HCLS1: variants seen among roughly 807,000 people sequenced by gnomAD.
HCLS1 encodes hematopoietic cell-specific Lyn substrate 1.
A neutral mutation model predicts 68.6 loss-of-function variants in HCLS1; 44 were observed. The observed-to-expected ratio is 0.64, with a 90% CI of 0.50 to 0.82. The LOEUF is 0.82. Among genes scored for constraint, HCLS1 ranks in the 40% least tolerant of loss-of-function variants. The pLI, the probability that HCLS1 is intolerant of heterozygous loss-of-function variation, is 0.00. For synonymous variants in HCLS1, 217 were observed against 225.8 expected (o/e 0.96, Z 0.35); for missense variants, 602 against 612.1 (o/e 0.98, Z 0.17).
chr3:121,639,029 A>G (rs201729356), intron 6 of HCLS1, among the ~76,000 whole-genome samples: 711 of 50,836 alleles, frequency 0.014, 3 homozygotes, highest in African/African-American at 0.034. Context: ...ACACACGCAC[A>G]CACACACACA....
chr3:121,656,154 C>A (rs1349648217), intron 3 of HCLS1: 2 of 152,070 alleles, frequency 1.3e-5, no homozygotes, highest in African/African-American at 2.4e-5. Flanking sequence ...CGGCCGAAAC[C>A]ATTTATTTCT....
chr3:121,659,198 G>C (rs1373785414), intron 1 of HCLS1, among the ~76,000 whole-genome samples: 1 of 152,176 alleles, frequency 6.6e-6, no homozygotes, highest in Admixed American at 6.5e-5. Flanking sequence ...TAGCTTGGAA[G>C]GGTGCCAAAC....
intron 1 of HCLS1, among the ~76,000 whole-genome samples, chr3:121,659,527 T>C (rs1183026730): frequency 2.0e-5 from 3 of 152,168 alleles, no homozygotes; most frequent in Non-Finnish European, 4.4e-5. Flanking sequence ...TATTTCCACT[T>C]GAAAGCTCCA....
Position 121,642,886 on chromosome 3 carries a change from CGG to C in HCLS1, c.454+39_454+40del, listed in dbSNP as rs773076666. On this transcript the variant is annotated intron_variant, in intron 6 of 13. Coordinates refer to ENST00000314583, the MANE Select transcript of HCLS1 (RefSeq NM_005335.6). ...ATAAAGTCTTAGCAGAAGAGCCTGC[CGG>C]TCAGATTGCTGAGGCTGAGTGAAGT... 10 of 1,513,206 alleles carry C rather than the reference CGG, an allele frequency of 6.6e-6. 1 individual carries two copies. In the South Asian group the frequency reaches 1.0e-4, roughly 15 times the overall value. The allele number at this position is 1,513,206 out of a possible 1,614,324, so 93.7% of individuals were successfully genotyped here. A position where few individuals can be genotyped will look rare whatever the true frequency, so the allele number is the denominator to read the frequency against.
At chr3:121,635,237 TTCTCTCTCTCTCTC>T (rs201290743) in intron 9 of HCLS1, among the ~76,000 whole-genome samples, 29,197 of 114,432 alleles carry the variant, frequency 0.26, 3,702 homozygotes, top group Non-Finnish European at 0.31. Flanking sequence ...TCTCTCCCTT[TTCTCTCTCTCTCTC>T]TCTCTCTCTC....
rs112494135 is a variant in HCLS1, at chr3:121,632,140, GAGCCAC to G, written c.1279_1284del (p.Val427_Ala428del). On this transcript the variant is annotated inframe_deletion, in exon 13 of 14. Transcript: ENST00000314583. ...TATACAGCCACAGCTGAGATCCCCA[GAGCCAC>G]AGCCCCAGCCCCAGCCCCAGCCGGG... 7.1e-5 allele frequency: 115 copies of G among 1,614,006 alleles called. 1 individual carries two copies. In the Middle Eastern group the frequency reaches 9.9e-4, roughly 14 times the overall value.
At position 121,631,731 on chromosome 3, in the gene HCLS1, GA is replaced by G; in HGVS notation, c.*114del. On this transcript the variant is annotated 3_prime_UTR_variant, in exon 14 of 14. Coordinates refer to ENST00000314583, the MANE Select transcript of HCLS1 (RefSeq NM_005335.6). ...CAAGCCCTTAATGAAGCAGGAGAGG[GA>G]AGTCTGTCCAGAACCTCATCTGGTT... 8.9e-7 allele frequency: 1 copy of G among 1,126,948 alleles called. No individual in the cohort carries two copies. Among genetic ancestry groups the G allele is most frequent in the Non-Finnish European group, 1.3e-6 (1 of 781,802 alleles). The allele number at this position is 1,126,948 out of a possible 1,614,324, so 69.8% of individuals were successfully genotyped here.
intron 6 of HCLS1, among the ~76,000 whole-genome samples, chr3:121,637,658 C>T (rs890118626): frequency 1.3e-5 from 2 of 152,042 alleles, no homozygotes; most frequent in East Asian, 1.9e-4. Flanking sequence ...AAGCTCAGGC[C>T]GAGCACGGTG....
intron 6 of HCLS1, among the ~76,000 whole-genome samples, chr3:121,641,907 C>A (rs1348890306): frequency 6.6e-6 from 1 of 151,118 alleles, no homozygotes; most frequent in Non-Finnish European, 1.5e-5. Context: ...TGGTGAAACC[C>A]CGTCTCCACT....
intron 5 of HCLS1, chr3:121,643,198 A>G (rs984260868): frequency 4.6e-6 from 2 of 438,344 alleles, no homozygotes; most frequent in Admixed American, 3.3e-5. Context: ...CAAACCCTAC[A>G]TCCCCTATTT....
chr3:121,657,137 C>A, intron 3 of HCLS1, 142 bp downstream of exon 3: 1 of 672,818 alleles, frequency 1.5e-6, no homozygotes, highest in South Asian at 1.9e-5. Flanking sequence ...CAGGAACAGA[C>A]TCTAGAAAAA....
intron 2 of HCLS1, 38 bp downstream of exon 2, chr3:121,658,226 C>A: frequency 6.6e-7 from 1 of 1,509,940 alleles, no homozygotes; most frequent in Non-Finnish European, 9.2e-7. Context: ...CTCACCCCAC[C>A]CTCTGCACTG....
intron 1 of HCLS1, among the ~76,000 whole-genome samples, chr3:121,658,667 G>A (rs1174334268): frequency 1.3e-5 from 2 of 152,226 alleles, no homozygotes; most frequent in African/African-American, 4.8e-5. Context: ...CTTGTGTCCC[G>A]AGGCCAGCCA....
chr3:121,632,041 C>G, intron 13 of HCLS1, 59 bp from the exon 14 acceptor site: 1 of 1,612,966 alleles, frequency 6.2e-7, no homozygotes, highest in Non-Finnish European at 8.5e-7. Flanking sequence ...TTTCACATGT[C>G]CCCCTGTCTT....
intron 6 of HCLS1, among the ~76,000 whole-genome samples, chr3:121,638,836 T>G (rs938451925): frequency 8.5e-5 from 13 of 152,266 alleles, no homozygotes; most frequent in Admixed American, 6.5e-4. Flanking sequence ...GGAGTATGTA[T>G]GCTGGCATAA....
intron 3 of HCLS1, chr3:121,653,678 G>A (rs1176511015): frequency 6.6e-6 from 1 of 152,144 alleles, no homozygotes; most frequent in African/African-American, 2.4e-5. Context: ...TAGAGCTCCA[G>A]AATTCTATTT....
intron 4 of HCLS1, among the ~76,000 whole-genome samples, chr3:121,646,985 A>ATT (rs1272121152): frequency 7.2e-6 from 1 of 138,958 alleles, no homozygotes. Context: ...TATTTTATTT[A>ATT]TTTTTTTTTT....
chr3:121,635,898 G>C (rs2049146686), intron 8 of HCLS1, 94 bp from the exon 9 acceptor site: 3 of 922,152 alleles, frequency 3.3e-6, no homozygotes, highest in African/African-American at 3.2e-5. Flanking sequence ...CACTATAAGA[G>C]GTATCCCTAA....
At chr3:121,643,594 G>A (rs1052682039) in intron 5 of HCLS1, 1 of 152,454 alleles carries the variant, frequency 6.6e-6, no homozygotes, top group African/African-American at 2.4e-5. Flanking sequence ...CTGCAACCAG[G>A]AGAGTCTGGA....
Sources: allele counts gnomAD v4.1 joint callset (sites outside exome capture counted in the v4.1 genomes callset), GRCh38; gene constraint gnomAD v4.1.1; transcripts MANE v1.5; gene names NCBI Gene and HGNC (gene_info 2026-07-23, HGNC 2026-07-21).